The following CFTR variants were observed in gnomAD, a reference collection of about 807,000 sequenced individuals.
The protein encoded by CFTR is CF transmembrane conductance regulator.
Under a neutral mutation model 171.6 loss-of-function variants are expected in CFTR, and 181 were observed. The ratio of observed to expected loss-of-function variants is 1.05; its 90% CI spans 0.93 to 1.19. CFTR has a LOEUF of 1.19. Among genes scored for constraint, CFTR ranks in the 50% most tolerant of loss-of-function variants. CFTR has a pLI of 0.00. For missense variants in CFTR, 1,968 were observed against 1,734.7 expected (o/e 1.13, Z -2.39); for synonymous variants, 583 against 608.0 (o/e 0.96, Z 0.60).
intron 21 of CFTR, among the ~76,000 whole-genome samples, chr7:117,619,386 G>A (rs1020314177): frequency 7.2e-5 from 11 of 152,184 alleles, no homozygotes; most frequent in Admixed American, 2.0e-4. Flanking sequence ...GCCATCTAGC[G>A]ATTGATAAAT....
intron 19 of CFTR, 70 bp from the exon 20 acceptor site, chr7:117,611,511 T>A: frequency 1.1e-6 from 1 of 950,626 alleles, no homozygotes; most frequent in Non-Finnish European, 1.7e-6. Flanking sequence ...CTTTTTCAGG[T>A]ACAAGATATT....
intron 11 of CFTR, among the ~76,000 whole-genome samples, chr7:117,565,752 G>A (rs937352388): frequency 1.2e-4 from 19 of 152,040 alleles, no homozygotes; most frequent in African/African-American, 3.9e-4. Context: ...AACTCTGCTT[G>A]GCAGTTTTCA....
Position 117,594,962 on chromosome 7 carries a change from A to G in CFTR, c.2523A>G (p.Pro841=), listed in dbSNP as rs1452992674. The G allele has an allele frequency of 6.2e-7, 1 of 1,613,004 alleles. No individual in the cohort carries two copies. The highest frequency in any genetic ancestry group is 1.1e-5 in the South Asian group (1 of 91,078). The change falls in exon 15 of 27, where the codon CCA becomes CCG. Residue 841 remains proline (P), a synonymous_variant. Transcript: ENST00000003084. ...ECFFDDMESI[P]AVTTWNTYLR... ...TTTTTGATGATATGGAGAGCATACCAGCAGTGACTACATGGAACACATACC... is the reference window on the plus strand; with the variant it reads ...TTTTTGATGATATGGAGAGCATACCGGCAGTGACTACATGGAACACATACC...
At chr7:117,564,154 G>A (rs1791561021) in intron 11 of CFTR, among the ~76,000 whole-genome samples, 2 of 152,272 alleles carry the variant, frequency 1.3e-5, no homozygotes, top group South Asian at 4.1e-4. Context: ...TTGGATGACT[G>A]TTTCAAAAGT....
At chr7:117,507,012 C>A (rs1179133260) in intron 2 of CFTR, among the ~76,000 whole-genome samples, 1 of 152,164 alleles carries the variant, frequency 6.6e-6, no homozygotes, top group Admixed American at 6.5e-5. Flanking sequence ...AGAACATTAA[C>A]CTATCTGGCT....
At chr7:117,580,957 A>C (rs969474130) in intron 11 of CFTR, among the ~76,000 whole-genome samples, 1 of 152,182 alleles carries the variant, frequency 6.6e-6, no homozygotes, top group African/African-American at 2.4e-5. Context: ...ATTTCGAATA[A>C]ACGATTAGTC....
intron 24 of CFTR, among the ~76,000 whole-genome samples, chr7:117,656,800 C>A (rs1045529467): frequency 2.0e-5 from 3 of 152,124 alleles, no homozygotes; most frequent in Admixed American, 2.0e-4. Flanking sequence ...CCACTATTAG[C>A]GCTTTTGGTC....
chr7:117,631,575 C>T (rs1296041615), intron 22 of CFTR, among the ~76,000 whole-genome samples: 1 of 152,138 alleles, frequency 6.6e-6, no homozygotes, highest in East Asian at 1.9e-4. Flanking sequence ...ATGAAGCCAC[C>T]CGATAAGCCT....
chr7:117,665,494 C>T lies in CFTR; in HGVS notation c.4172C>T (p.Ala1391Val). 1 of 1,612,562 alleles carries T rather than the reference C, an allele frequency of 6.2e-7. No individual in the cohort carries two copies. Among genetic ancestry groups the T allele is most frequent in the Non-Finnish European group, 8.5e-7 (1 of 1,178,822 alleles). Residue 1391 changes from alanine to valine, a missense_variant, in exon 26 of 27, where the codon GCA becomes GTA. By Grantham distance (64) the Ala-to-Val change is moderately conservative (BLOSUM62 0). Transcript: ENST00000003084. ...YQIIRRTLKQ[A>V]FADCTVILCE... is the part of the protein sequence containing the mutation. ...ATAATTAGAAGAACTCTAAAACAAG[C>T]ATTTGCTGATTGCACAGTAATTCTC...
In CFTR at chr7:117,611,631, A is replaced by G. The variant is rs1792387784; in HGVS notation, c.3190A>G (p.Thr1064Ala). Residue 1064 changes from threonine (T) to alanine (A), a missense_variant, in exon 20 of 27, where the codon ACA (threonine) becomes GCA (alanine). Transcript: ENST00000003084. ...HLVTSLKGLWTLRAFGRQPYF... is the reference protein window; with the variant it reads ...HLVTSLKGLWALRAFGRQPYF... ...TGTTACAAGCTTAAAAGGACTATGG[A>G]CACTTCGTGCCTTCGGACGGCAGCC... 6.2e-7 allele frequency: 1 copy of G among 1,613,452 alleles called. No homozygotes were observed. Among genetic ancestry groups the G allele is most frequent in the Non-Finnish European group, 8.5e-7 (1 of 1,179,724 alleles).
At chr7:117,637,400 G>T (rs1261083971) in intron 22 of CFTR, among the ~76,000 whole-genome samples, 3 of 152,226 alleles carry the variant, frequency 2.0e-5, no homozygotes, top group East Asian at 3.9e-4. Context: ...TAGTGAGCCT[G>T]TGCGCCTGCA....
In CFTR at chr7:117,667,804, C is replaced by A. The variant is rs1793409892; in HGVS notation, c.*696C>A. ...CAAAAATCTCAATATTTCAGATAAT[C>A]ACAATACATCCCTTACCTGGGAAAG... On this transcript the variant is annotated 3_prime_UTR_variant, in exon 27 of 27. Transcript: ENST00000003084. 6.4e-6 allele frequency: 1 copy of A among 156,516 alleles called. No individual in the cohort carries two copies. The highest frequency in any genetic ancestry group is 1.9e-4 in the South Asian group (1 of 5,230). 9.7% of individuals were successfully genotyped at this position (156,516 alleles called of 1,614,324 possible).
intron 1 of CFTR, among the ~76,000 whole-genome samples, chr7:117,494,404 G>T (rs763363338): frequency 2.0e-5 from 3 of 149,608 alleles, no homozygotes; most frequent in Non-Finnish European, 2.9e-5. Context: ...CATGCGCTTT[G>T]CCTGTAGTGG....
intron 21 of CFTR, among the ~76,000 whole-genome samples, chr7:117,623,464 T>C (rs979975021): frequency 6.6e-6 from 1 of 152,198 alleles, no homozygotes; most frequent in African/African-American, 2.4e-5. Flanking sequence ...ACAATCTAGG[T>C]AGCTACAATG....
At chr7:117,521,155 A>G (rs1000334228) in intron 3 of CFTR, among the ~76,000 whole-genome samples, 1 of 152,022 alleles carries the variant, frequency 6.6e-6, no homozygotes, top group African/African-American at 2.4e-5. Flanking sequence ...TTTTTGGTAT[A>G]TAGAAATCTA....
intron 1 of CFTR, among the ~76,000 whole-genome samples, chr7:117,497,120 T>C (rs1339752783): frequency 6.6e-6 from 1 of 152,150 alleles, no homozygotes; most frequent in East Asian, 1.9e-4. Flanking sequence ...TAGGCTTTGG[T>C]GTCACAATCC....
intron 4 of CFTR, among the ~76,000 whole-genome samples, chr7:117,531,372 A>G (rs1798863327): frequency 1.3e-5 from 2 of 151,484 alleles, no homozygotes; most frequent in Non-Finnish European, 2.9e-5. Context: ...TCATGTTATC[A>G]TTTTTTTGGA....
At chr7:117,654,061 C>T (rs1392644727) in intron 24 of CFTR, among the ~76,000 whole-genome samples, 4 of 152,212 alleles carry the variant, frequency 2.6e-5, no homozygotes, top group Admixed American at 6.5e-5. Context: ...GGGGTGGTGT[C>T]TTACCTCTGG....
Position 117,635,377 on chromosome 7 carries a change from G to A in CFTR, c.3718-7061G>A, listed in dbSNP as rs1329526622. The stretch of plus-strand genomic sequence containing the variant: ...TGTAGACAGCAAATAGTTCAGAGTT[G>A]TTTTTCGATCCACTTTGACAATCTT... On this transcript the variant is annotated intron_variant, in intron 22 of 26. Transcript: ENST00000003084. Among the ~76,000 whole-genome samples, 4 of 152,042 alleles carry A rather than the reference G, an allele frequency of 2.6e-5. No individual in the cohort carries two copies. In the East Asian group the frequency reaches 7.7e-4, roughly 29 times the overall value.
Sources: gnomAD v4.1 joint callset for allele counts (sites outside exome capture counted in the v4.1 genomes callset) on GRCh38, gnomAD v4.1.1 for gene constraint, MANE v1.5 for transcripts, NCBI Gene and HGNC (gene_info 2026-07-23, HGNC 2026-07-21) for gene names.